The following TDRD3 variants were observed in gnomAD, a reference collection of about 807,000 sequenced individuals.
TDRD3 encodes the protein tudor domain containing 3, also known as tudor domain-containing protein 3.
A neutral mutation model predicts 86.7 loss-of-function variants in TDRD3; 45 were observed. The ratio of observed to expected loss-of-function variants is 0.52; its 90% CI spans 0.41 to 0.67. The LOEUF (loss-of-function observed/expected upper bound fraction) is 0.67. TDRD3 is among the 30% of genes least tolerant of loss of function. TDRD3 has a pLI of 0.00. For synonymous variants in TDRD3, 298 were observed against 301.7 expected (o/e 0.99, Z 0.13); for missense variants, 814 against 889.0 (o/e 0.92, Z 1.07).
intron 10 of TDRD3, among the ~76,000 whole-genome samples, chr13:60,527,106 A>T (rs185511088): frequency 5.9e-5 from 9 of 152,248 alleles, no homozygotes; most frequent in Admixed American, 5.2e-4. Flanking sequence ...AAGTGCTTGG[A>T]TTACAGGTGT....
intron 12 of TDRD3, among the ~76,000 whole-genome samples, chr13:60,563,231 T>TA (rs1349445473): frequency 7.4e-5 from 7 of 95,090 alleles, no homozygotes; most frequent in Non-Finnish European, 1.2e-4. Flanking sequence ...CCATATCAAT[T>TA]TAAAAAAAAA....
At chr13:60,554,389 C>G (rs1289443442) in intron 12 of TDRD3, among the ~76,000 whole-genome samples, 2 of 152,126 alleles carry the variant, frequency 1.3e-5, no homozygotes, top group Admixed American at 1.3e-4. Context: ...TTTTATTTCT[C>G]TTTGAGCCTT....
chr13:60,432,976 T>C (rs1954993086), intron 1 of TDRD3, among the ~76,000 whole-genome samples: 1 of 152,128 alleles, frequency 6.6e-6, no homozygotes, highest in African/African-American at 2.4e-5. Flanking sequence ...GATTTGGGTT[T>C]TATTCAGGGG....
At chr13:60,403,127 T>G (rs1954146131) in intron 1 of TDRD3, among the ~76,000 whole-genome samples, 1 of 137,948 alleles carries the variant, frequency 7.2e-6, no homozygotes, top group African/African-American at 2.7e-5. Flanking sequence ...AGGTGCTGTT[T>G]GCAGTGATTT....
At chr13:60,472,116 A>G (rs1034315505) in intron 5 of TDRD3, among the ~76,000 whole-genome samples, 3 of 152,150 alleles carry the variant, frequency 2.0e-5, no homozygotes, top group African/African-American at 7.2e-5. Context: ...CTCTGCGTCA[A>G]TTGAGATGAT....
chr13:60,424,581 G>A (rs146232791), intron 1 of TDRD3, among the ~76,000 whole-genome samples: 1,729 of 152,170 alleles, frequency 0.011, 41 homozygotes, highest in African/African-American at 0.039. Context: ...GAAGGCTGAG[G>A]CAGGAGAATT....
chr13:60,551,133 A>G (rs1192732621), intron 12 of TDRD3, among the ~76,000 whole-genome samples: 1 of 152,186 alleles, frequency 6.6e-6, no homozygotes, highest in East Asian at 1.9e-4. Context: ...AACCTTTAAG[A>G]GTTTAATGTG....
At chr13:60,546,701 T>G (rs1957947682) in intron 12 of TDRD3, among the ~76,000 whole-genome samples, 1 of 152,180 alleles carries the variant, frequency 6.6e-6, no homozygotes, top group African/African-American at 2.4e-5. Flanking sequence ...GGTGTCTTGA[T>G]TCTTAGGCAG....
intron 12 of TDRD3, among the ~76,000 whole-genome samples, chr13:60,556,639 G>T (rs1036627691): frequency 3.9e-5 from 6 of 152,166 alleles, no homozygotes; most frequent in African/African-American, 1.4e-4. Context: ...TTGCCTAATA[G>T]ATTTATATAT....
At chr13:60,438,897 T>G (rs1289997686) in intron 1 of TDRD3, among the ~76,000 whole-genome samples, 1 of 152,112 alleles carries the variant, frequency 6.6e-6, no homozygotes, top group African/African-American at 2.4e-5. Flanking sequence ...AAATGTGAGA[T>G]ATTAATTGGG....
At chr13:60,397,441 G>A (rs896721742) in intron 1 of TDRD3, 36 bp downstream of exon 1, 3 of 1,475,460 alleles carry the variant, frequency 2.0e-6, no homozygotes, top group Admixed American at 2.2e-5. Context: ...CGGGCCGCGG[G>A]TGCGGGCCGG....
At chr13:60,567,385 CCTCT>C in intron 12 of TDRD3, 136 bp from the exon 13 acceptor site, 1 of 1,003,678 alleles carries the variant, frequency 1.0e-6, no homozygotes, top group Non-Finnish European at 1.5e-6. Context: ...CCCTTGCCTC[CCTCT>C]GTTGTAAAAG....
chr13:60,557,062 C>T (rs995058745), intron 12 of TDRD3, among the ~76,000 whole-genome samples: 56 of 151,962 alleles, frequency 3.7e-4, no homozygotes, highest in South Asian at 4.2e-4. Flanking sequence ...AAAAATTAGC[C>T]GGGCATGGTG....
intron 1 of TDRD3, among the ~76,000 whole-genome samples, chr13:60,429,702 G>A (rs749602278): frequency 5.9e-5 from 9 of 152,122 alleles, no homozygotes; most frequent in Non-Finnish European, 1.2e-4. Context: ...TGAACTCCAT[G>A]TGAGTAGCCT....
intron 10 of TDRD3, among the ~76,000 whole-genome samples, chr13:60,513,479 G>A (rs1018425034): frequency 1.3e-5 from 2 of 152,178 alleles, no homozygotes; most frequent in Non-Finnish European, 2.9e-5. Context: ...CACATTGTCA[G>A]TCTGCAAATT....
At chr13:60,557,819 G>GTTTTTTT (rs1491187240) in intron 12 of TDRD3, among the ~76,000 whole-genome samples, 22 of 89,906 alleles carry the variant, frequency 2.4e-4, no homozygotes, top group South Asian at 4.8e-4. Flanking sequence ...TTTTTTTCCT[G>GTTTTTTT]ATTTTTTTTT....
intron 10 of TDRD3, among the ~76,000 whole-genome samples, chr13:60,512,477 A>T (rs1566259888): frequency 6.6e-6 from 1 of 152,204 alleles, no homozygotes; most frequent in Non-Finnish European, 1.5e-5. Context: ...TTAACTTAAA[A>T]GTCCACAGTC....
intron 3 of TDRD3, among the ~76,000 whole-genome samples, chr13:60,450,912 C>T (rs1378021240): frequency 1.3e-5 from 2 of 152,094 alleles, no homozygotes; most frequent in African/African-American, 2.4e-5. Context: ...TGCCCCATAT[C>T]GGGCGTATTT....
intron 1 of TDRD3, among the ~76,000 whole-genome samples, chr13:60,399,126 C>T (rs983460407): frequency 3.9e-5 from 6 of 152,118 alleles, no homozygotes; most frequent in African/African-American, 1.4e-4. Flanking sequence ...TTATTTTTCT[C>T]CTTATCTGGA....
Sources: allele counts gnomAD v4.1 joint callset (sites outside exome capture counted in the v4.1 genomes callset), GRCh38; gene constraint gnomAD v4.1.1; transcripts MANE v1.5; gene names NCBI Gene and HGNC (gene_info 2026-07-23, HGNC 2026-07-21).